The following MAPKAP1 variants were observed in gnomAD, a reference collection of about 807,000 sequenced individuals.
MAPKAP1 encodes target of rapamycin complex 2 subunit MAPKAP1.
Under a neutral mutation model 65.7 loss-of-function variants are expected in MAPKAP1, and 20 were observed. That is an observed-to-expected ratio of 0.30 (90% confidence interval 0.21 to 0.44). MAPKAP1 has a LOEUF of 0.44. MAPKAP1 is among the 20% of genes least tolerant of loss of function. The pLI is 1.00. For synonymous variants in MAPKAP1, 222 were observed against 244.3 expected (o/e 0.91, Z 0.85); for missense variants, 423 against 648.0 (o/e 0.65, Z 3.77).
At chr9:125,512,023 G>A (rs1589248074) in intron 7 of MAPKAP1, among the ~76,000 whole-genome samples, 1 of 152,216 alleles carries the variant, frequency 6.6e-6, no homozygotes, top group East Asian at 1.9e-4. Context: ...ATTTTTATGG[G>A]ATTTTGTAAA....
At chr9:125,649,254 AC>A (rs1457191846) in intron 4 of MAPKAP1, among the ~76,000 whole-genome samples, 5 of 152,168 alleles carry the variant, frequency 3.3e-5, no homozygotes, top group Non-Finnish European at 1.5e-5. Flanking sequence ...CCCTCTTCTA[AC>A]CTGGTAATTA....
At chr9:125,653,156 TG>T (rs1833939704) in intron 4 of MAPKAP1, among the ~76,000 whole-genome samples, 1 of 152,260 alleles carries the variant, frequency 6.6e-6, no homozygotes, top group African/African-American at 2.4e-5. Flanking sequence ...AGATCAGGAC[TG>T]GAACTTGTAG....
chr9:125,446,933 G>A (rs1397789995), intron 10 of MAPKAP1, among the ~76,000 whole-genome samples: 1 of 152,164 alleles, frequency 6.6e-6, no homozygotes, highest in Non-Finnish European at 1.5e-5. Context: ...CATGTAATAA[G>A]TAGTCTGCAA....
chr9:125,600,499 T>C (rs1487615609), intron 4 of MAPKAP1, among the ~76,000 whole-genome samples: 2 of 152,202 alleles, frequency 1.3e-5, no homozygotes, highest in African/African-American at 2.4e-5. Context: ...AAGTATAAAG[T>C]GACAACAAAG....
intron 6 of MAPKAP1, among the ~76,000 whole-genome samples, chr9:125,543,486 C>T (rs1223675711): frequency 2.0e-5 from 3 of 151,572 alleles, no homozygotes; most frequent in Admixed American, 6.6e-5. Context: ...CCATGTTAGC[C>T]AGGATGGTCT....
At chr9:125,473,051 C>T (rs892537570) in intron 9 of MAPKAP1, among the ~76,000 whole-genome samples, 5 of 150,970 alleles carry the variant, frequency 3.3e-5, no homozygotes, top group Non-Finnish European at 7.4e-5. Context: ...TGAAAGAATG[C>T]TTCCTTCTAG....
At chr9:125,654,469 C>G (rs566481798) in intron 4 of MAPKAP1, among the ~76,000 whole-genome samples, 27 of 152,248 alleles carry the variant, frequency 1.8e-4, no homozygotes, top group African/African-American at 6.3e-4. Flanking sequence ...GACTCTAAAA[C>G]AGATCACAGA....
intron 4 of MAPKAP1, among the ~76,000 whole-genome samples, chr9:125,588,205 A>G (rs1398120593): frequency 6.6e-6 from 1 of 152,230 alleles, no homozygotes; most frequent in Non-Finnish European, 1.5e-5. Flanking sequence ...AAATCCATAC[A>G]ATAGAATATT....
intron 1 of MAPKAP1, among the ~76,000 whole-genome samples, chr9:125,698,799 T>C (rs1835510206): frequency 1.3e-5 from 2 of 152,200 alleles, no homozygotes; most frequent in African/African-American, 4.8e-5. Flanking sequence ...GTGTTTCTTG[T>C]TACTCAGCAG....
In MAPKAP1 at chr9:125,518,272, T is replaced by C. The variant is rs1007801915; in HGVS notation, c.959-11855A>G. Among the ~76,000 whole-genome samples the C allele has an allele frequency of 4.6e-5, 7 of 152,190 alleles. 1 individual carries two copies. Among genetic ancestry groups the C allele is most frequent in the African/African-American group, 1.7e-4 (7 of 41,440 alleles). On this transcript the variant is annotated intron_variant, in intron 7 of 11. Coordinates refer to ENST00000265960, the MANE Select transcript of MAPKAP1 (RefSeq NM_001006617.3). The stretch of plus-strand genomic sequence containing the variant: ...ATCTATACACTGGGCTGTCATATGG[T>C]TGTTGTAAGAATAAGCTAAGTTGGT...
chr9:125,489,023 A>G (rs973832630), intron 8 of MAPKAP1, among the ~76,000 whole-genome samples: 4 of 152,240 alleles, frequency 2.6e-5, no homozygotes, highest in African/African-American at 9.6e-5. Flanking sequence ...ACCACACATG[A>G]AAGATGAAAG....
intron 4 of MAPKAP1, among the ~76,000 whole-genome samples, chr9:125,597,197 G>A (rs1407029790): frequency 6.8e-6 from 1 of 147,450 alleles, no homozygotes; most frequent in African/African-American, 2.5e-5. Context: ...CCCAGGAGGT[G>A]GAGCTTGCAA....
intron 9 of MAPKAP1, chr9:125,471,259 C>T (rs1853910798): frequency 6.6e-6 from 1 of 152,302 alleles, no homozygotes; most frequent in Non-Finnish European, 1.5e-5. Flanking sequence ...AGAAAGGAGG[C>T]CCAGAATCCA....
intron 9 of MAPKAP1, among the ~76,000 whole-genome samples, chr9:125,484,036 C>A (rs561775970): frequency 4.6e-5 from 7 of 152,252 alleles, no homozygotes; most frequent in African/African-American, 1.7e-4. Flanking sequence ...TCCAAATATA[C>A]CTTCTGAGAC....
chr9:125,571,818 G>A (rs150054148), intron 5 of MAPKAP1, among the ~76,000 whole-genome samples: 2,051 of 152,192 alleles, frequency 0.013, 39 homozygotes, highest in African/African-American at 0.046. Context: ...AGCCAAGATC[G>A]CGCCACTGCA....
intron 8 of MAPKAP1, among the ~76,000 whole-genome samples, chr9:125,485,648 C>A (rs569824784): frequency 6.6e-6 from 1 of 152,206 alleles, no homozygotes; most frequent in Non-Finnish European, 1.5e-5. Context: ...ACCCTCTCAT[C>A]CTCACCCAGA....
At chr9:125,509,241 GATAT>G (rs1216063368) in intron 7 of MAPKAP1, among the ~76,000 whole-genome samples, 1 of 151,688 alleles carries the variant, frequency 6.6e-6, no homozygotes, top group Admixed American at 6.6e-5. Flanking sequence ...GTACTCCACA[GATAT>G]ATATAAACAT....
chr9:125,471,570 A>G (rs745498634), intron 9 of MAPKAP1: 1 of 152,388 alleles, frequency 6.6e-6, no homozygotes, highest in Non-Finnish European at 1.5e-5. Flanking sequence ...AAGCCAGGCT[A>G]GTGGGGTTGC....
chr9:125,458,659 C>T (rs974906316), intron 10 of MAPKAP1, among the ~76,000 whole-genome samples: 1 of 150,678 alleles, frequency 6.6e-6, no homozygotes, highest in Non-Finnish European at 1.5e-5. Flanking sequence ...TCAATCTTTT[C>T]CCCACCCCTC....
Sources: allele counts gnomAD v4.1 joint callset (sites outside exome capture counted in the v4.1 genomes callset), GRCh38; gene constraint gnomAD v4.1.1; transcripts MANE v1.5; gene names NCBI Gene and HGNC (gene_info 2026-07-23, HGNC 2026-07-21).